TSTD2: variants seen among roughly 807,000 people sequenced by gnomAD.
TSTD2 encodes thiosulfate sulfurtransferase like domain containing 2.
TSTD2 carries 37 observed loss-of-function variants against 47.9 expected under a neutral mutation model. The ratio of observed to expected loss-of-function variants is 0.77; its 90% confidence interval spans 0.59 to 1.02. TSTD2 has a LOEUF of 1.02. Among genes scored for constraint, TSTD2 ranks in the 50% least tolerant of loss-of-function variants. The pLI is 0.00. For synonymous variants in TSTD2, 201 were observed against 215.9 expected (o/e 0.93, Z 0.61); for missense variants, 586 against 616.0 (o/e 0.95, Z 0.52).
Position 97,605,487 on chromosome 9 carries a change from G to A in TSTD2, c.1109C>T (p.Ala370Val). The stretch of plus-strand genomic sequence containing the variant: ...TGCCCCGGGGTGGTGGCTCACCTTG[G>A]CTTTGAGGTAGGCTGAACCCCGCTC... ...RCERGSAYLK[A>V]KGVCKEVFQL... is the part of the protein sequence containing the mutation. The change falls in exon 8 of 10, where the codon GCC (alanine) becomes GTC (valine). Residue 370 changes from alanine to valine, a missense_variant. Ala to Val is a moderately conservative substitution (Grantham distance 64). Transcript: ENST00000341170. 6.2e-6 allele frequency: 10 copies of A among 1,613,476 alleles called. No homozygotes were observed. The highest frequency in any genetic ancestry group is 8.5e-6 in the Non-Finnish European group (10 of 1,179,854).
rs1389452882 is a variant in TSTD2 at position 97,600,511 on chromosome 9, T to C, written c.*1958A>G. The C allele has an allele frequency of 1.0e-6, 1 of 985,570 alleles. No homozygotes were observed. The highest frequency in any genetic ancestry group is 1.2e-6 in the Non-Finnish European group (1 of 830,130). The allele number at this position is 985,570 out of a possible 1,614,324, so 61.1% of individuals were successfully genotyped here. The stretch of plus-strand genomic sequence containing the variant: ...TGTGAAAATCTACGGCCAAATACTT[T>C]TGAAAACACCTTTCTATATTGCACA... On this transcript the variant is annotated 3_prime_UTR_variant, in exon 10 of 10. Coordinates refer to ENST00000341170, the MANE Select transcript of TSTD2 (RefSeq NM_139246.5).
At chr9:97,625,120 A>C (rs962465375) in intron 3 of TSTD2, among the ~76,000 whole-genome samples, 9 of 152,132 alleles carry the variant, frequency 5.9e-5, no homozygotes, top group African/African-American at 2.2e-4. Flanking sequence ...GTGTATTCCC[A>C]AACTTTCTGC....
intron 4 of TSTD2, among the ~76,000 whole-genome samples, chr9:97,613,648 C>A (rs890113745): frequency 6.6e-6 from 1 of 151,998 alleles, no homozygotes; most frequent in African/African-American, 2.4e-5. Flanking sequence ...CTAGCAAGGG[C>A]AGCACATGTG....
At position 97,611,679 on chromosome 9, in the gene TSTD2, T is replaced by A; in HGVS notation, c.624A>T (p.Gly208=). The A allele has an allele frequency of 6.2e-7, 1 of 1,609,162 alleles. No homozygotes were observed. Among genetic ancestry groups the A allele is most frequent in the Non-Finnish European group, 8.5e-7 (1 of 1,175,760 alleles). Residue 208 remains glycine, a synonymous_variant, in exon 5 of 10, where the codon GGA becomes GGT. Transcript: ENST00000341170. ...TGCTTCCACCAACTGTCCCATTGAT[T>A]CCTTCTGCAGCAATTCGAATCTGAG... is the stretch of plus-strand genomic sequence containing the variant. ...LTGKIRIAAE[G]INGTVGGSKL... is the part of the protein sequence containing the mutation.
Position 97,625,957 on chromosome 9 carries a change from T to C in TSTD2, c.206A>G (p.Lys69Arg). The C allele has an allele frequency of 6.2e-7, 1 of 1,613,136 alleles. No individual in the cohort carries two copies. Among genetic ancestry groups the C allele is most frequent in the Non-Finnish European group, 8.5e-7 (1 of 1,179,754 alleles). ...LFVKTKEVPT[K>R]RSFECKEKLW... ...TTTTTCTTTACATTCAAAACTCCTT[T>C]TTGTTGGAACTTCTTTGGTTTTGAC... Residue 69 changes from lysine to arginine, a missense_variant, in exon 3 of 10, where the codon AAA becomes AGA. Lys to Arg is a conservative substitution (Grantham distance 26). Transcript: ENST00000341170.
At chr9:97,615,463 A>T (rs1334499357) in intron 4 of TSTD2, among the ~76,000 whole-genome samples, 1 of 152,240 alleles carries the variant, frequency 6.6e-6, no homozygotes, top group Non-Finnish European at 1.5e-5. Context: ...TTCCTTTCCA[A>T]AGCCTTCAAT....
chr9:97,631,704 T>C (rs1180162129), intron 1 of TSTD2, among the ~76,000 whole-genome samples: 1 of 152,114 alleles, frequency 6.6e-6, no homozygotes, highest in Non-Finnish European at 1.5e-5. Context: ...ATTAGCCTGG[T>C]GTGGTGGCGC....
At position 97,606,027 on chromosome 9, in the gene TSTD2, G is replaced by T. The variant is rs539348962; in HGVS notation, c.954+116C>A. On this transcript the variant is annotated intron_variant, in intron 7 of 9. Transcript: ENST00000341170. ...TTTTCTCTGAAGCTGCCAGTACTGG[G>T]AGGAGATCCATGTGGCCACAGGTGG... The T allele has an allele frequency of 1.5e-4, 124 of 801,056 alleles. 4 individuals are homozygous for T. The South Asian group carries it at 1.8e-3, about 12-fold the overall frequency. 49.6% of individuals were successfully genotyped at this position (801,056 alleles called of 1,614,324 possible). A position where few individuals can be genotyped will look rare whatever the true frequency, so the allele number is the denominator to read the frequency against.
chr9:97,604,775 C>CA lies in TSTD2; in HGVS notation c.1203dup (p.Val402CysfsTer3), dbSNP rs1826337517. ...GACAGAGCATAGCGTTCATCAAAAACAAACAACTTCCCTTTGTAAAAGCCA... is the reference window on the plus strand; with the variant it reads ...GACAGAGCATAGCGTTCATCAAAAACAAAACAACTTCCCTTTGTAAAAGCCA... On this transcript the variant is annotated frameshift_variant, in exon 9 of 10. Coordinates refer to ENST00000341170, the MANE Select transcript of TSTD2 (RefSeq NM_139246.5). LOFTEE classifies it high-confidence loss of function. 3 of 1,614,048 alleles carry CA rather than the reference C, an allele frequency of 1.9e-6. No homozygotes were observed. The highest frequency in any genetic ancestry group is 1.7e-6 in the Non-Finnish European group (2 of 1,180,016).
At position 97,601,761 on chromosome 9, in the gene TSTD2, G is replaced by C; in HGVS notation, c.*708C>G. 5.3e-6 allele frequency: 1 copy of C among 189,152 alleles called. No individual in the cohort carries two copies. The highest frequency in any genetic ancestry group is 2.4e-5 in the African/African-American group (1 of 42,304). The allele number at this position is 189,152 out of a possible 1,614,324, so 11.7% of individuals were successfully genotyped here. ...CCCTTGAACAATATGGGTTTGAACT[G>C]CATGGCTGCACTTATATATGGATTT... On this transcript the variant is annotated 3_prime_UTR_variant, in exon 10 of 10. Transcript: ENST00000341170.
At chr9:97,606,393 T>G (rs943071071) in intron 6 of TSTD2, 132 bp from the exon 7 acceptor site, 2 of 591,924 alleles carry the variant, frequency 3.4e-6, no homozygotes, top group Non-Finnish European at 6.0e-6. Flanking sequence ...TAATTACAAC[T>G]GTCTGAAAAG....
chr9:97,628,331 A>G (rs1826755781), intron 1 of TSTD2, among the ~76,000 whole-genome samples: 1 of 152,162 alleles, frequency 6.6e-6, no homozygotes, highest in South Asian at 2.1e-4. Flanking sequence ...AAGCACTAAG[A>G]GGCACACTGA....
At chr9:97,605,011 G>A (rs1826342094) in intron 8 of TSTD2, 146 bp from the exon 9 acceptor site, 1 of 1,415,374 alleles carries the variant, frequency 7.1e-7, no homozygotes, top group Middle Eastern at 2.6e-4. Context: ...TCCCACTGCG[G>A]GACACTGAGG....
chr9:97,613,407 G>A (rs1160019410), intron 4 of TSTD2, among the ~76,000 whole-genome samples: 4 of 152,128 alleles, frequency 2.6e-5, no homozygotes, highest in Non-Finnish European at 5.9e-5. Flanking sequence ...ACGATTTGTT[G>A]AATAAATGAA....
At chr9:97,612,607 G>A (rs1307871872) in intron 4 of TSTD2, among the ~76,000 whole-genome samples, 1 of 152,254 alleles carries the variant, frequency 6.6e-6, no homozygotes, top group Non-Finnish European at 1.5e-5. Flanking sequence ...CCAGGCTGGA[G>A]TGCAATAGCA....
chr9:97,630,335 C>T (rs1338999821), intron 1 of TSTD2, among the ~76,000 whole-genome samples: 1 of 152,176 alleles, frequency 6.6e-6, no homozygotes, highest in Non-Finnish European at 1.5e-5. Flanking sequence ...GATTTATGTA[C>T]ATACTCTGAA....
chr9:97,607,120 C>A (rs577180739), intron 6 of TSTD2, among the ~76,000 whole-genome samples: 2 of 152,252 alleles, frequency 1.3e-5, no homozygotes, highest in South Asian at 2.1e-4. Context: ...GAGCTATGAT[C>A]ACACCACTGT....
rs143304181 is a variant in TSTD2, at chr9:97,602,803, T to C, written c.1253-36A>G. 6.2e-4 allele frequency: 967 copies of C among 1,566,476 alleles called. 3 individuals carry two copies. In the African/African-American group the frequency reaches 0.011, roughly 19 times the overall value. ...AGGAAAAGCCATCATTATAAACACA[T>C]ACATTCACACACACGTGGACAGGCA... is the stretch of plus-strand genomic sequence containing the variant. On this transcript the variant is annotated intron_variant, in intron 9 of 9. Coordinates refer to ENST00000341170, the MANE Select transcript of TSTD2 (RefSeq NM_139246.5).
chr9:97,603,423 G>C (rs978317508), intron 9 of TSTD2, among the ~76,000 whole-genome samples: 8 of 152,046 alleles, frequency 5.3e-5, no homozygotes, highest in African/African-American at 1.9e-4. Context: ...GGTACCCATC[G>C]AGTCCAGCCA....
Sources: gnomAD v4.1 joint callset for allele counts (sites outside exome capture counted in the v4.1 genomes callset) on GRCh38, gnomAD v4.1.1 for gene constraint, MANE v1.5 for transcripts, NCBI Gene and HGNC (gene_info 2026-07-23, HGNC 2026-07-21) for gene names.